The following TMEM74 variants were observed in gnomAD, a reference collection of about 807,000 sequenced individuals.
TMEM74 encodes transmembrane protein 74.
TMEM74 carries 13 observed loss-of-function variants against 18.1 expected under a neutral mutation model. The observed-to-expected ratio is 0.72, with a 90% confidence interval of 0.47 to 1.14. The LOEUF is 1.14. TMEM74 is among the 50% of genes most tolerant of loss of function. The probability of loss-of-function intolerance (pLI) is 0.00; values close to 1 mark genes in which losing one functional copy is unlikely to be tolerated. For missense variants in TMEM74, 372 were observed against 375.9 expected (o/e 0.99, Z 0.09); for synonymous variants, 159 against 146.6 (o/e 1.08, Z -0.61).
At chr8:108,675,722 G>A (rs759593966) in intron 1 of TMEM74, among the ~76,000 whole-genome samples, 2 of 152,178 alleles carry the variant, frequency 1.3e-5, no homozygotes, top group Admixed American at 6.6e-5. Context: ...CAGAAACTCA[G>A]AGGATGTGAC....
chr8:108,609,441 A>G (rs186170845), intron 2 of TMEM74, among the ~76,000 whole-genome samples: 1 of 152,282 alleles, frequency 6.6e-6, no homozygotes, highest in African/African-American at 2.4e-5. Context: ...TGAGGTCAGG[A>G]ATTGGATACC....
intron 2 of TMEM74, among the ~76,000 whole-genome samples, chr8:108,618,470 A>C (rs1812407650): frequency 6.6e-6 from 1 of 152,170 alleles, no homozygotes; most frequent in Non-Finnish European, 1.5e-5. Context: ...AAGGAACCAC[A>C]TGATAGACAA....
At chr8:108,668,658 A>C (rs1185238299) in intron 1 of TMEM74, among the ~76,000 whole-genome samples, 1 of 152,164 alleles carries the variant, frequency 6.6e-6, no homozygotes, top group Admixed American at 6.6e-5. Context: ...AAGGAAAGAA[A>C]CCAGTTTTTC....
intron 1 of TMEM74, among the ~76,000 whole-genome samples, chr8:108,785,893 C>T (rs1814378714): frequency 6.6e-6 from 1 of 152,154 alleles, no homozygotes; most frequent in South Asian, 2.1e-4. Context: ...TTCTGGACCC[C>T]AAAGCATACA....
At position 108,665,434 on chromosome 8, in the gene TMEM74, C is replaced by T. The variant is rs576453226; in HGVS notation, n.120-9997G>A. On this transcript the variant is annotated intron_variant and non_coding_transcript_variant, in intron 1 of 3. Coordinates refer to the TMEM74 transcript ENST00000518838. ...AGAGTAGCAGGAAGCAGAGGCCCTA[C>T]CCCTTTGCCTACAACAAGGAGAGCA... 7.9e-5 allele frequency among the ~76,000 whole-genome samples: 12 copies of T among 152,178 alleles called. No individual in the cohort carries two copies. The South Asian group carries it at 1.9e-3, about 24-fold the overall frequency.
intron 2 of TMEM74, among the ~76,000 whole-genome samples, chr8:108,620,757 TCTGA>T (rs1358032199): frequency 6.6e-6 from 1 of 152,158 alleles, no homozygotes; most frequent in African/African-American, 2.4e-5. Flanking sequence ...GGAATCCTTG[TCTGA>T]GGGGACAGTG....
intron 1 of TMEM74, among the ~76,000 whole-genome samples, chr8:108,736,413 T>C (rs1362496032): frequency 2.6e-5 from 4 of 152,176 alleles, no homozygotes; most frequent in South Asian, 2.1e-4. Flanking sequence ...GATGATCCTA[T>C]ATAAATTAGT....
intron 2 of TMEM74, among the ~76,000 whole-genome samples, chr8:108,635,372 G>T (rs531003180): frequency 2.0e-5 from 3 of 151,502 alleles, no homozygotes; most frequent in African/African-American, 7.3e-5. Context: ...TTCTTCCTCC[G>T]ATCCTTTCTG....
chr8:108,718,171 G>C lies in TMEM74; in HGVS notation n.120-62734C>G, dbSNP rs1250122766. ...GACGGGGTTTCACCATTTTAGCCGG[G>C]ATGGTCTCGATCTCCTGACCTCGTG... On this transcript the variant is annotated intron_variant and non_coding_transcript_variant, in intron 1 of 3. Coordinates refer to the TMEM74 transcript ENST00000518838. Among the ~76,000 whole-genome samples, 9 of 74,112 alleles carry C rather than the reference G, an allele frequency of 1.2e-4. 3 individuals carry two copies. In the East Asian group the frequency reaches 3.7e-3, roughly 30 times the overall value. The allele number at this position is 74,112 out of a possible 152,430, so 48.6% of individuals were successfully genotyped here. A position where few individuals can be genotyped will look rare whatever the true frequency, so the allele number is the denominator to read the frequency against.
chr8:108,743,734 A>T (rs1230101790), intron 1 of TMEM74, among the ~76,000 whole-genome samples: 4 of 152,180 alleles, frequency 2.6e-5, no homozygotes, highest in Non-Finnish European at 5.9e-5. Flanking sequence ...AAATCAATTT[A>T]TAATATCAAT....
At chr8:108,689,466 G>A (rs544798895) in intron 1 of TMEM74, among the ~76,000 whole-genome samples, 1 of 152,108 alleles carries the variant, frequency 6.6e-6, no homozygotes, top group Non-Finnish European at 1.5e-5. Context: ...ATTTTACAAA[G>A]CAAAACAGAT....
At chr8:108,731,012 A>T (rs6999254) in intron 1 of TMEM74, among the ~76,000 whole-genome samples, 9,368 of 152,102 alleles carry the variant, frequency 0.062, 801 homozygotes, top group African/African-American at 0.19. Flanking sequence ...GGGATTTTAC[A>T]ACATACAAAT....
chr8:108,735,889 A>G (rs2130642581), intron 1 of TMEM74, among the ~76,000 whole-genome samples: 1 of 152,168 alleles, frequency 6.6e-6, no homozygotes, highest in African/African-American at 2.4e-5. Flanking sequence ...ATTTTCTCCC[A>G]AATTATATAC....
intron 1 of TMEM74, among the ~76,000 whole-genome samples, chr8:108,724,772 G>A (rs1813617340): frequency 1.3e-5 from 2 of 152,008 alleles, no homozygotes; most frequent in Admixed American, 6.6e-5. Context: ...GGGTGCACTG[G>A]GCAGACTCCA....
At position 108,650,969 on chromosome 8, in the gene TMEM74, G is replaced by C. The variant is rs137930158; in HGVS notation, n.264+4324C>G. Among the ~76,000 whole-genome samples the C allele has an allele frequency of 7.7e-3, 1,172 of 152,020 alleles. 11 individuals are homozygous for C. Among genetic ancestry groups the C allele is most frequent in the Non-Finnish European group, 0.012 (836 of 67,960 alleles). On this transcript the variant is annotated intron_variant and non_coding_transcript_variant, in intron 2 of 3. Coordinates refer to the TMEM74 transcript ENST00000518838. ...CAGGTGATCTGCCCACCTCGGCCTC[G>C]CAAAGTGTTGGGATTACAGGCGTGA...
intron 1 of TMEM74, among the ~76,000 whole-genome samples, chr8:108,667,476 A>C (rs1432730795): frequency 1.3e-5 from 2 of 152,064 alleles, no homozygotes; most frequent in Admixed American, 6.6e-5. Flanking sequence ...GGAAATAAAA[A>C]CTCCAAAGAT....
downstream of TMEM74, among the ~76,000 whole-genome samples, chr8:108,775,957 A>G (rs563502620): frequency 1.2e-4 from 18 of 152,344 alleles, no homozygotes; most frequent in South Asian, 3.7e-3. Context: ...TCTTAATGTC[A>G]TTTGTATTCC....
Position 108,732,565 on chromosome 8 carries a change from A to C in TMEM74, n.119+54911T>G, listed in dbSNP as rs111750459. Among the ~76,000 whole-genome samples the C allele has an allele frequency of 6.6e-3, 1,003 of 152,286 alleles. 6 individuals carry two copies. The highest frequency in any genetic ancestry group is 0.01 in the Non-Finnish European group (711 of 67,982). ...AAAGACGGATTAAAATATAGAATCT[A>C]GAAATAGACTCACATATATATGATA... On this transcript the variant is annotated intron_variant and non_coding_transcript_variant, in intron 1 of 3. Coordinates refer to the TMEM74 transcript ENST00000518838.
intron 1 of TMEM74, among the ~76,000 whole-genome samples, chr8:108,702,217 ACC>A (rs1813342857): frequency 6.6e-6 from 1 of 151,666 alleles, no homozygotes; most frequent in Non-Finnish European, 1.5e-5. Context: ...GGTGGTGGGC[ACC>A]TGTAATCCCA....
Sources: gnomAD v4.1 joint callset for allele counts (sites outside exome capture counted in the v4.1 genomes callset) on GRCh38, gnomAD v4.1.1 for gene constraint, MANE v1.5 for transcripts, NCBI Gene and HGNC (gene_info 2026-07-23, HGNC 2026-07-21) for gene names.